RIF1: variants seen among roughly 807,000 people sequenced by gnomAD.
The protein encoded by RIF1 is replication timing regulatory factor 1.
In RIF1, 45 loss-of-function variants were observed where a neutral mutation model predicts 247.1. That is an observed-to-expected ratio of 0.18 (90% confidence interval 0.14 to 0.23). The LOEUF (loss-of-function observed/expected upper bound fraction) is 0.23. RIF1 is among the 10% of genes least tolerant of loss of function. The probability of loss-of-function intolerance (pLI) is 1.00; values close to 1 mark genes in which losing one functional copy is unlikely to be tolerated. For synonymous variants in RIF1, 1,087 were observed against 978.8 expected, an observed-to-expected ratio of 1.11 and a Z score of -2.06; for missense variants, 2,967 against 2,862.5, an observed-to-expected ratio of 1.04 and a Z score of -0.83.
chr2:151,500,299 T>A (rs184529385), intron 11 of RIF1, among the ~76,000 whole-genome samples: 16 of 152,276 alleles, frequency 1.1e-4, no homozygotes, highest in Admixed American at 1.0e-3. Flanking sequence ...ATTAAAAATA[T>A]TTTGGATTAA....
chr2:151,458,922 G>C lies in RIF1; in HGVS notation c.2955+12G>C, dbSNP rs1324212875. ...CATATTCTGATGGAGTAAGTTGGGG[G>C]GTTTTATTGTTCATTTGTTTTTGGA... On this transcript the variant is annotated intron_variant, in intron 25 of 35. Coordinates refer to ENST00000444746, the MANE Select transcript of RIF1 (RefSeq NM_018151.5). 6.8e-7 allele frequency: 1 copy of C among 1,467,544 alleles called. No homozygotes were observed. Among genetic ancestry groups the C allele is most frequent in the South Asian group, 1.2e-5 (1 of 84,350 alleles). 90.9% of individuals were successfully genotyped at this position (1,467,544 alleles called of 1,614,324 possible). A position where few individuals can be genotyped will look rare whatever the true frequency, so the allele number is the denominator to read the frequency against.
At chr2:151,452,712 CT>C (rs1263105147) in intron 21 of RIF1, among the ~76,000 whole-genome samples, 2 of 152,304 alleles carry the variant, frequency 1.3e-5, no homozygotes, top group East Asian at 3.9e-4. Context: ...AGGCTTATCT[CT>C]GAAAATCATA....
At chr2:151,420,021 T>C (rs1173892901) in intron 6 of RIF1, among the ~76,000 whole-genome samples, 169 bp from the exon 7 acceptor site, 2 of 152,212 alleles carry the variant, frequency 1.3e-5, no homozygotes, top group Non-Finnish European at 1.5e-5. Context: ...AAAGCAATAA[T>C]GTGCAAATTC....
intron 18 of RIF1, 101 bp from the exon 19 acceptor site, chr2:151,445,237 G>T: frequency 1.4e-6 from 1 of 729,256 alleles, no homozygotes. Flanking sequence ...CTCATCATTG[G>T]GGAACACAGT....
chr2:151,516,373 G>A, the RIF1 span: 1 of 838,504 alleles, frequency 1.2e-6, no homozygotes, highest in Admixed American at 2.6e-5. Flanking sequence ...ACTTTTGGAT[G>A]ACAGGAAACT....
Position 151,464,500 on chromosome 2 carries a change from A to C in RIF1, c.4980A>C (p.Ala1660=). ...AAAAAAATGAAACTAGCAAATATGC[A>C]GAATATTCCTTTACAAGTCTACCTG... is the stretch of plus-strand genomic sequence containing the variant. ...CEEKNETSKY[A]EYSFTSLPVP... Residue 1660 remains alanine (A), a synonymous_variant, in exon 30 of 36, where the codon GCA becomes GCC. Transcript: ENST00000444746. The C allele has an allele frequency of 6.2e-7, 1 of 1,612,114 alleles. No individual in the cohort carries two copies. Among genetic ancestry groups the C allele is most frequent in the Non-Finnish European group, 8.5e-7 (1 of 1,179,506 alleles).
chr2:151,410,178 A>G, intron 1 of RIF1, 145 bp downstream of exon 1: 1 of 642,948 alleles, frequency 1.6e-6, no homozygotes. Flanking sequence ...GCTGCCCGGG[A>G]AAGTGGTGGC....
chr2:151,516,330 G>T, the RIF1 span: 1 of 596,956 alleles, frequency 1.7e-6, no homozygotes, highest in Middle Eastern at 3.3e-4. Flanking sequence ...GAAGATTTTA[G>T]TGATCACATG....
chr2:151,441,366 A>G (rs886762935), intron 15 of RIF1, among the ~76,000 whole-genome samples: 41 of 152,210 alleles, frequency 2.7e-4, no homozygotes, highest in African/African-American at 8.4e-4. Context: ...CAGAATTTCT[A>G]TTAGTAGTAT....
intron 12 of RIF1, chr2:151,505,583 A>AAAT: frequency 1.3e-6 from 2 of 1,599,072 alleles, no homozygotes; most frequent in Non-Finnish European, 1.7e-6. Flanking sequence ...GCAGATTTAA[A>AAAT]AATGGGAAAA....
chr2:151,497,743 A>G lies in RIF1; in HGVS notation c.*514-1602A>G, dbSNP rs2061243938. 2.6e-6 allele frequency: 4 copies of G among 1,558,522 alleles called. No individual in the cohort carries two copies. In the East Asian group the frequency reaches 7.1e-5, roughly 28 times the overall value. ...CCTGTGCGATAAGAAAGCATCCAGAAAAACAACCATGAGTAACATTTCATT... is the reference window on the plus strand; with the variant it reads ...CCTGTGCGATAAGAAAGCATCCAGAGAAACAACCATGAGTAACATTTCATT... On this transcript the variant is annotated intron_variant and NMD_transcript_variant, in intron 10 of 13. Coordinates refer to the RIF1 transcript ENST00000454583.
At chr2:151,419,411 C>T (rs999273745) in intron 6 of RIF1, among the ~76,000 whole-genome samples, 4 of 152,032 alleles carry the variant, frequency 2.6e-5, no homozygotes, top group Middle Eastern at 3.4e-3. Context: ...CTGCAACCTC[C>T]GCCTCCCGGG....
At chr2:151,441,725 C>T (rs1024015321) in intron 15 of RIF1, among the ~76,000 whole-genome samples, 180 bp from the exon 16 acceptor site, 9 of 152,156 alleles carry the variant, frequency 5.9e-5, no homozygotes, top group African/African-American at 9.7e-5. Context: ...ACTTCTAAAA[C>T]GGATGCAGAT....
intron 11 of RIF1, among the ~76,000 whole-genome samples, chr2:151,502,613 G>GAA (rs1003775162): frequency 6.6e-6 from 1 of 152,040 alleles, no homozygotes; most frequent in Non-Finnish European, 1.5e-5. Flanking sequence ...ATGTTTTAGA[G>GAA]AAAACACAGT....
Position 151,476,504 on chromosome 2 carries a change from C to T in RIF1, c.*1433C>T, listed in dbSNP as rs1289917576. 6.6e-6 allele frequency: 1 copy of T among 152,114 alleles called. No homozygotes were observed. The highest frequency in any genetic ancestry group is 1.5e-5 in the Non-Finnish European group (1 of 68,008). 9.4% of individuals were successfully genotyped at this position (152,114 alleles called of 1,614,324 possible). ...ATCCCTACTTAGCAAGGCACACATTCTACAGCAAGTCATAGAAAGTTTAAT... is the reference window on the plus strand; with the variant it reads ...ATCCCTACTTAGCAAGGCACACATTTTACAGCAAGTCATAGAAAGTTTAAT... On this transcript the variant is annotated 3_prime_UTR_variant, in exon 36 of 36. Transcript: ENST00000444746.
Position 151,446,490 on chromosome 2 carries a change from C to G in RIF1, c.2159C>G (p.Ala720Gly), listed in dbSNP as rs1693298345. The part of the protein sequence containing the change: ...ELYRAFARCA[A>G]LVATAEENLC... ...TATAGAGCATTTGCTCGTTGTGCTGCTTTGGTGGCAACAGCAGAAGAGAAC... is the reference window on the plus strand; with the variant it reads ...TATAGAGCATTTGCTCGTTGTGCTGGTTTGGTGGCAACAGCAGAAGAGAAC... The change falls in exon 20 of 36, where the codon GCT (alanine) becomes GGT (glycine). Residue 720 changes from alanine (A) to glycine (G), a missense_variant. Around this residue, in one of 7 missense-constraint regions of RIF1, gnomAD observed 76 missense variants for 113.3 expected, o/e 0.67. Transcript: ENST00000444746. The G allele has an allele frequency of 1.9e-6, 3 of 1,613,942 alleles. No homozygotes were observed. In the East Asian group the frequency reaches 6.7e-5, roughly 36 times the overall value.
rs758423739 is a variant in RIF1 at position 151,416,630 on chromosome 2, C to A, written c.350C>A (p.Thr117Asn). ...AAGAATTCAGACAAAAATGTACGTACTAGAGCACTTTGGGTGATATCTAAG... is the reference window on the plus strand; with the variant it reads ...AAGAATTCAGACAAAAATGTACGTAATAGAGCACTTTGGGTGATATCTAAG... ...TIKNSDKNVR[T>N]RALWVISKQT... Residue 117 changes from threonine (T) to asparagine (N), a missense_variant, in exon 5 of 36, where the codon ACT becomes AAT. By Grantham distance (65) the Thr-to-Asn change is moderately conservative (BLOSUM62 0). Around this residue, in one of 7 missense-constraint regions of RIF1, gnomAD observed 269 missense variants for 288.6 expected, o/e 0.93. Coordinates refer to ENST00000444746, the MANE Select transcript of RIF1 (RefSeq NM_018151.5). 6.2e-7 allele frequency: 1 copy of A among 1,611,982 alleles called. No homozygotes were observed. Among genetic ancestry groups the A allele is most frequent in the South Asian group, 1.1e-5 (1 of 90,472 alleles).
At position 151,463,563 on chromosome 2, in the gene RIF1, C is replaced by T; in HGVS notation, c.4043C>T (p.Ser1348Phe). ...VSDNQVHLSE[S>F]TMEHDNTKLK... ...GATAATCAGGTTCATCTTTCTGAATCTACAATGGAGCATGACAATACAAAG... is the reference window on the plus strand; with the variant it reads ...GATAATCAGGTTCATCTTTCTGAATTTACAATGGAGCATGACAATACAAAG... Residue 1348 changes from serine (S) to phenylalanine (F), a missense_variant, in exon 30 of 36, where the codon TCT becomes TTT. Around this residue, in one of 7 missense-constraint regions of RIF1, gnomAD observed 2,028 missense variants for 1,825.6 expected, o/e 1.11. Transcript: ENST00000444746. The T allele has an allele frequency of 6.2e-7, 1 of 1,613,906 alleles. No individual in the cohort carries two copies.
intron 11 of RIF1, chr2:151,501,363 T>C (rs1180934798): frequency 1.0e-5 from 14 of 1,361,990 alleles, no homozygotes; most frequent in African/African-American, 4.3e-5. Context: ...TTTTTTAATA[T>C]GGAGTTAAAG....
Sources: allele counts gnomAD v4.1 joint callset (sites outside exome capture counted in the v4.1 genomes callset), GRCh38; gene constraint gnomAD v4.1.1; regional missense constraint gnomAD v4.1.1; transcripts MANE v1.5; gene names NCBI Gene and HGNC (gene_info 2026-07-23, HGNC 2026-07-21).